Variants in BLTP3B observed in about 807,000 individuals in gnomAD.
BLTP3B encodes bridge-like lipid transfer protein family member 3B, also known as UHRF1 (ICBP90) binding protein 1-like.
the BLTP3B span, chr12:100,057,901 A>C: frequency 7.1e-4 from 924 of 1,299,544 alleles, 8 homozygotes; most frequent in African/African-American, 0.012. Flanking sequence ...TGAAACATCT[A>C]CTCTTCTACA....
At chr12:100,041,969 A>G in the BLTP3B span, among the ~76,000 whole-genome samples, 3 of 152,204 alleles carry the variant, frequency 2.0e-5, no homozygotes, top group Admixed American at 2.0e-4. Flanking sequence ...CATTTCTATA[A>G]TGTGTAATAA....
chr12:100,070,142 G>A, the BLTP3B span: 3 of 1,561,906 alleles, frequency 1.9e-6, no homozygotes, highest in South Asian at 1.2e-5. Flanking sequence ...CATCTATCTT[G>A]AGTTTTCTCA....
chr12:100,112,299 T>C, the BLTP3B span, among the ~76,000 whole-genome samples: 1 of 152,148 alleles, frequency 6.6e-6, no homozygotes, highest in Non-Finnish European at 1.5e-5. Context: ...GGCTGGTCTA[T>C]ATATTAGTGA....
At chr12:100,083,455 T>C in the BLTP3B span, among the ~76,000 whole-genome samples, 2 of 151,968 alleles carry the variant, frequency 1.3e-5, no homozygotes, top group Non-Finnish European at 2.9e-5. Flanking sequence ...GGGCAGACAA[T>C]GGGTGATTAG....
the BLTP3B span, chr12:100,089,192 AC>A: frequency 1.0e-6 from 1 of 991,274 alleles, no homozygotes; most frequent in Non-Finnish European, 1.4e-6. Flanking sequence ...ATGAAAAATA[AC>A]CATAGTACAT....
chr12:100,057,980 G>T, the BLTP3B span: 1 of 1,516,992 alleles, frequency 6.6e-7, no homozygotes, highest in African/African-American at 1.4e-5. Flanking sequence ...AGGCACACAC[G>T]CTCCACAAAA....
chr12:100,060,225 A>AC, the BLTP3B span, among the ~76,000 whole-genome samples: 11 of 152,220 alleles, frequency 7.2e-5, 1 homozygote, highest in Non-Finnish European at 1.5e-4. Context: ...TAGACAAAAA[A>AC]AATTTCCCAT....
At chr12:100,130,914 T>C in the BLTP3B span, among the ~76,000 whole-genome samples, 1 of 114,370 alleles carries the variant, frequency 8.7e-6, no homozygotes, top group Non-Finnish European at 1.7e-5. Flanking sequence ...AAACTCTATC[T>C]CAAAAAAATA....
At chr12:100,072,771 T>C in the BLTP3B span, 1 of 1,605,208 alleles carries the variant, frequency 6.2e-7, no homozygotes, top group Admixed American at 1.8e-5. Flanking sequence ...TTGCAGCAAA[T>C]CATGCTTTTG....
At chr12:100,050,440 A>G in the BLTP3B span, 1 of 860,126 alleles carries the variant, frequency 1.2e-6, no homozygotes, top group Non-Finnish European at 1.6e-6. Flanking sequence ...GACCAAAAGT[A>G]TACTTGTGAC....
chr12:100,057,837 C>T, the BLTP3B span: 6 of 1,325,216 alleles, frequency 4.5e-6, no homozygotes, highest in Non-Finnish European at 6.1e-6. Flanking sequence ...ATGTATATAG[C>T]ATCCATAGCT....
chr12:100,051,113 T>C, the BLTP3B span: 1 of 1,614,092 alleles, frequency 6.2e-7, no homozygotes, highest in Non-Finnish European at 8.5e-7. Context: ...ACCCTCTGAA[T>C]TTGTACTGAT....
At chr12:100,089,428 C>T in the BLTP3B span, among the ~76,000 whole-genome samples, 15 of 152,074 alleles carry the variant, frequency 9.9e-5, no homozygotes, top group Non-Finnish European at 1.8e-4. Flanking sequence ...GGCGTGGTGC[C>T]GCATGCCTGT....
the BLTP3B span, among the ~76,000 whole-genome samples, chr12:100,099,228 A>C: frequency 6.6e-6 from 1 of 151,858 alleles, no homozygotes; most frequent in Admixed American, 6.6e-5. Context: ...TCCTGTCCTC[A>C]GATGATCTGC....
the BLTP3B span, chr12:100,060,057 A>T: frequency 1.3e-6 from 2 of 1,546,742 alleles, no homozygotes; most frequent in Middle Eastern, 3.6e-4. Context: ...TGGAGACAAG[A>T]TGTTTTTTAA....
chr12:100,134,043 C>G, the BLTP3B span, among the ~76,000 whole-genome samples: 1 of 152,100 alleles, frequency 6.6e-6, no homozygotes, highest in Admixed American at 6.5e-5. Flanking sequence ...TCGTTCAGTA[C>G]TATCTGCAGT....
chr12:100,091,605 C>G, the BLTP3B span, among the ~76,000 whole-genome samples: 3 of 151,808 alleles, frequency 2.0e-5, no homozygotes, highest in South Asian at 6.3e-4. Flanking sequence ...CAGGTTCATG[C>G]CATTCTTCTG....
chr12:100,094,626 G>A, the BLTP3B span, among the ~76,000 whole-genome samples: 2 of 152,216 alleles, frequency 1.3e-5, no homozygotes, highest in Non-Finnish European at 2.9e-5. Context: ...GGAGGCCAAG[G>A]CGGGCAGATC....
At chr12:100,069,431 T>A in the BLTP3B span, among the ~76,000 whole-genome samples, 1 of 152,130 alleles carries the variant, frequency 6.6e-6, no homozygotes, top group South Asian at 2.1e-4. Flanking sequence ...TTTGTGTGTG[T>A]GTATGTATAT....
Sources: allele counts gnomAD v4.1 joint callset (sites outside exome capture counted in the v4.1 genomes callset), GRCh38; gene constraint gnomAD v4.1.1; transcripts MANE v1.5; gene names NCBI Gene and HGNC (gene_info 2026-07-23, HGNC 2026-07-21).